The following TTC6 variants were observed in gnomAD, a reference collection of about 807,000 sequenced individuals.
The protein encoded by TTC6 is tetratricopeptide repeat domain 6.
A neutral mutation model predicts 210.4 loss-of-function variants in TTC6; 172 were observed. The observed-to-expected ratio is 0.82, with a 90% CI of 0.72 to 0.93. TTC6 has a LOEUF of 0.93. TTC6 is among the 40% of genes least tolerant of loss of function. The pLI is 0.00. For missense variants in TTC6, 2,414 were observed against 2,318.1 expected, an observed-to-expected ratio of 1.04 and a Z score of -0.85; for synonymous variants, 804 against 819.6, an observed-to-expected ratio of 0.98 and a Z score of 0.32.
At chr14:37,723,012 T>A (rs1213492751) in intron 6 of TTC6, among the ~76,000 whole-genome samples, 1 of 152,204 alleles carries the variant, frequency 6.6e-6, no homozygotes, top group African/African-American at 2.4e-5. Flanking sequence ...GTATGATTTG[T>A]GAATATTTAC....
In TTC6 at chr14:37,749,114, C is replaced by G. The variant is rs571315039; in HGVS notation, c.2539C>G (p.Leu847Val). ...TCCTCGGACATGGGCTCTTGATAGG[C>G]TCATTGAGTACAAAGATGCGAGCAT... Residue 847 changes from leucine (L) to valine (V), a missense_variant, in exon 11 of 31, where the codon CTC becomes GTC. Coordinates refer to ENST00000553443, the Ensembl canonical transcript of TTC6. 255 of 1,535,632 alleles carry G rather than the reference C, an allele frequency of 1.7e-4. No individual in the cohort carries two copies. The African/African-American group carries it at 3.0e-3, about 18-fold the overall frequency.
intron 7 of TTC6, among the ~76,000 whole-genome samples, chr14:37,733,461 T>G (rs762310777): frequency 6.6e-6 from 1 of 152,190 alleles, no homozygotes; most frequent in Non-Finnish European, 1.5e-5. Context: ...CAAAATGTCT[T>G]CATATAATTT....
At chr14:37,741,461 C>T (rs1370142833) in intron 10 of TTC6, among the ~76,000 whole-genome samples, 1 of 151,298 alleles carries the variant, frequency 6.6e-6, no homozygotes, top group Non-Finnish European at 1.5e-5. Context: ...GCTAATTTTT[C>T]GTATTTTTAG....
At chr14:37,822,171 T>TCCAGC (rs1350944489) in intron 26 of TTC6, among the ~76,000 whole-genome samples, 2 of 152,228 alleles carry the variant, frequency 1.3e-5, no homozygotes, top group African/African-American at 4.8e-5. Context: ...AGCTTATCAT[T>TCCAGC]TTAGCTTATT....
At chr14:37,721,847 C>CATATAT (rs35265224) in intron 6 of TTC6, among the ~76,000 whole-genome samples, 2,058 of 117,158 alleles carry the variant, frequency 0.018, 36 homozygotes, top group South Asian at 0.032. Context: ...TGAGTTTCAC[C>CATATAT]ATATATATAT....
chr14:37,771,155 G>T (rs963627978), intron 14 of TTC6, among the ~76,000 whole-genome samples: 9 of 152,032 alleles, frequency 5.9e-5, no homozygotes, highest in African/African-American at 2.2e-4. Context: ...GGCTTATAGG[G>T]TTTCTGCCGA....
exon 14 of TTC6, chr14:37,753,199 C>A (rs1243061522): frequency 2.6e-6 from 4 of 1,534,510 alleles, no homozygotes; most frequent in Admixed American, 3.9e-5. Flanking sequence ...GATTTTACAG[C>A]CTTGTTAAAT....
intron 1 of TTC6, among the ~76,000 whole-genome samples, chr14:37,659,113 TA>T (rs1355021680): frequency 3.3e-5 from 5 of 152,100 alleles, no homozygotes; most frequent in Admixed American, 2.0e-4. Flanking sequence ...ATGATCTTAT[TA>T]TTTTTTTTTA....
At chr14:37,775,591 G>A (rs753507063) in intron 14 of TTC6, among the ~76,000 whole-genome samples, 1 of 152,060 alleles carries the variant, frequency 6.6e-6, no homozygotes, top group Non-Finnish European at 1.5e-5. Context: ...TGGTCCAAGA[G>A]TGTGGTTGGT....
intron 10 of TTC6, among the ~76,000 whole-genome samples, chr14:37,743,726 G>T (rs1459404527): frequency 1.3e-5 from 2 of 152,138 alleles, no homozygotes; most frequent in East Asian, 3.9e-4. Context: ...TCAAACTTAG[G>T]TTTAGAGGAC....
rs184902391 is a variant in TTC6, at chr14:37,659,842, G to A, written c.940-20309G>A. Among the ~76,000 whole-genome samples the A allele has an allele frequency of 1.1e-3, 160 of 151,674 alleles. 1 individual carries two copies. Among genetic ancestry groups the A allele is most frequent in the African/African-American group, 3.7e-3 (154 of 41,428 alleles). On this transcript the variant is annotated intron_variant, in intron 1 of 30. Transcript: ENST00000553443. ...GGCCTTCGTTGTGGTTTTGATTTGC[G>A]TTTCTCTAATGGTTAGTAAATTTTT...
chr14:37,619,811 C>T (rs1469193400), upstream of TTC6, among the ~76,000 whole-genome samples: 2 of 150,282 alleles, frequency 1.3e-5, no homozygotes, highest in Non-Finnish European at 3.0e-5. Flanking sequence ...TTTGGCTAAT[C>T]CAGCCTGTTT....
chr14:37,783,621 T>C (rs2139277623), intron 14 of TTC6, among the ~76,000 whole-genome samples: 1 of 152,298 alleles, frequency 6.6e-6, no homozygotes, highest in Non-Finnish European at 1.5e-5. Context: ...TTTTTGTGTC[T>C]CTATCTCCCT....
rs2096199329 is a variant in TTC6, at chr14:37,836,983, A to G, written c.5299-4462A>G. Among the ~76,000 whole-genome samples, 8 of 152,234 alleles carry G rather than the reference A, an allele frequency of 5.3e-5. No individual in the cohort carries two copies. In the South Asian group the frequency reaches 1.7e-3, roughly 31 times the overall value. ...ATTATGAACTACAGGTGACATTAAA[A>G]AATAACTGGATCTGCTTTTTAATTA... On this transcript the variant is annotated intron_variant, in intron 29 of 30. Coordinates refer to ENST00000553443, the Ensembl canonical transcript of TTC6.
chr14:37,837,898 CAGAG>C (rs2096201585), intron 29 of TTC6, among the ~76,000 whole-genome samples: 1 of 152,084 alleles, frequency 6.6e-6, no homozygotes, highest in African/African-American at 2.4e-5. Flanking sequence ...AGTTCAGTGA[CAGAG>C]AGAATTTTAA....
At chr14:37,780,988 A>G (rs953392765) in intron 14 of TTC6, among the ~76,000 whole-genome samples, 1 of 152,198 alleles carries the variant, frequency 6.6e-6, no homozygotes, top group Non-Finnish European at 1.5e-5. Flanking sequence ...ATAGTATTCC[A>G]TGGTGTATAT....
chr14:37,700,275 G>A (rs1163685129), intron 4 of TTC6, among the ~76,000 whole-genome samples: 1 of 152,098 alleles, frequency 6.6e-6, no homozygotes, highest in Admixed American at 6.5e-5. Context: ...GGATGCCAGG[G>A]CTTACCCACT....
intron 1 of TTC6, among the ~76,000 whole-genome samples, chr14:37,676,226 G>T (rs2095769021): frequency 6.6e-6 from 1 of 152,118 alleles, no homozygotes; most frequent in Non-Finnish European, 1.5e-5. Flanking sequence ...GTCAGAGATA[G>T]TGGGGTGGCC....
intron 1 of TTC6, among the ~76,000 whole-genome samples, chr14:37,674,818 C>A (rs933882172): frequency 6.6e-6 from 1 of 152,084 alleles, no homozygotes; most frequent in African/African-American, 2.4e-5. Context: ...AACTTTAGAT[C>A]GAACACTAAC....
Sources: gnomAD v4.1 joint callset for allele counts (sites outside exome capture counted in the v4.1 genomes callset) on GRCh38, gnomAD v4.1.1 for gene constraint, MANE v1.5 for transcripts, NCBI Gene and HGNC (gene_info 2026-07-23, HGNC 2026-07-21) for gene names.